Variants in GNG4 observed in about 807,000 individuals in gnomAD.
GNG4 encodes guanine nucleotide-binding protein G(I)/G(S)/G(O) subunit gamma-4.
GNG4 carries 4 observed loss-of-function variants against 5.8 expected under a neutral mutation model. The observed-to-expected ratio is 0.69, with a 90% CI of 0.34 to 1.57. The LOEUF is 1.57. Ranked by LOEUF, GNG4 falls within the 40% of genes most tolerant of loss-of-function variation. The pLI is 0.06. For missense variants in GNG4, 96 were observed against 95.1 expected (o/e 1.01, Z -0.04); for synonymous variants, 29 against 32.9 (o/e 0.88, Z 0.41).
chr1:235,573,553 G>A (rs543631766), intron 3 of GNG4, among the ~76,000 whole-genome samples: 60 of 152,196 alleles, frequency 3.9e-4, no homozygotes, highest in Non-Finnish European at 5.7e-4. Flanking sequence ...CGAGGTGGGC[G>A]GATCACGAAG....
Position 235,553,906 on chromosome 1 carries a change from C to T in GNG4, c.100-1669G>A, listed in dbSNP as rs573677242. ...TCTAAGGTCCCAATTTACTCTAAGACGTCTATGATTCTACCTTTAATAGCA... is the reference window on the plus strand; with the variant it reads ...TCTAAGGTCCCAATTTACTCTAAGATGTCTATGATTCTACCTTTAATAGCA... On this transcript the variant is annotated intron_variant, in intron 3 of 3. Coordinates refer to ENST00000391854, the MANE Select transcript of GNG4 (RefSeq NM_001098722.2). Among the ~76,000 whole-genome samples, 55 of 152,128 alleles carry T rather than the reference C, an allele frequency of 3.6e-4. 1 individual carries two copies. Among genetic ancestry groups the T allele is most frequent in the Non-Finnish European group, 6.5e-4 (44 of 68,026 alleles).
intron 1 of GNG4, among the ~76,000 whole-genome samples, chr1:235,621,213 T>C (rs1285552069): frequency 1.4e-5 from 2 of 141,816 alleles, no homozygotes; most frequent in Admixed American, 7.1e-5. Flanking sequence ...TGCTGGAGAT[T>C]AGCCAAAAAA....
chr1:235,585,577 A>G (rs563087968), intron 2 of GNG4, among the ~76,000 whole-genome samples: 66 of 152,194 alleles, frequency 4.3e-4, no homozygotes, highest in East Asian at 1.3e-3. Flanking sequence ...TTTAGAAAGC[A>G]CCACATATTA....
intron 3 of GNG4, among the ~76,000 whole-genome samples, chr1:235,556,832 G>A (rs1340653419): frequency 6.6e-6 from 1 of 151,796 alleles, no homozygotes; most frequent in Non-Finnish European, 1.5e-5. Context: ...TTGTTTTTCT[G>A]CAACTAGATG....
intron 1 of GNG4, among the ~76,000 whole-genome samples, chr1:235,639,151 C>G (rs1378196980): frequency 6.6e-6 from 1 of 152,194 alleles, no homozygotes; most frequent in African/African-American, 2.4e-5. Context: ...CCAGGATCAC[C>G]TCCCCATCTC....
chr1:235,619,417 C>T (rs1284260266), intron 1 of GNG4, among the ~76,000 whole-genome samples: 3 of 151,836 alleles, frequency 2.0e-5, no homozygotes, highest in Non-Finnish European at 2.9e-5. Context: ...AAAAAAGCAT[C>T]AGTTTTGTTT....
chr1:235,632,892 G>A (rs1444411336), intron 1 of GNG4, among the ~76,000 whole-genome samples: 1 of 152,146 alleles, frequency 6.6e-6, no homozygotes, highest in Non-Finnish European at 1.5e-5. Flanking sequence ...GAAACCGAAA[G>A]ACTATTCAAA....
At chr1:235,596,099 G>A (rs557141009) in intron 1 of GNG4, among the ~76,000 whole-genome samples, 222 of 152,236 alleles carry the variant, frequency 1.5e-3, no homozygotes, top group Middle Eastern at 0.014. Flanking sequence ...GTGTGAACCC[G>A]GGAGGCGGAG....
intron 1 of GNG4, among the ~76,000 whole-genome samples, chr1:235,608,643 G>C (rs923011445): frequency 6.6e-6 from 1 of 151,650 alleles, no homozygotes; most frequent in Non-Finnish European, 1.5e-5. Flanking sequence ...TTTTGTGACT[G>C]GATTCTTCCT....
At chr1:235,620,421 G>A (rs186423052) in intron 1 of GNG4, among the ~76,000 whole-genome samples, 10 of 152,342 alleles carry the variant, frequency 6.6e-5, no homozygotes, top group Admixed American at 2.6e-4. Context: ...AGTCCTAGTC[G>A]GAACTTAGTG....
At chr1:235,650,260 T>TC (rs2102994120), upstream of GNG4, among the ~76,000 whole-genome samples, 1 of 19,692 alleles carries the variant, frequency 5.1e-5, no homozygotes, top group East Asian at 2.3e-3. Context: ...GGTAAATCAC[T>TC]GGGGGGGGGT....
At position 235,628,784 on chromosome 1, in the gene GNG4, C is replaced by T. The variant is rs545897541; in HGVS notation, c.-123+20878G>A. ...GATCCGCAGGTGCTAGGTGGTGGCC[C>T]TTTTTAAAGACAGCTTCCCTGCAGG... On this transcript the variant is annotated intron_variant, in intron 1 of 3. Coordinates refer to ENST00000391854, the MANE Select transcript of GNG4 (RefSeq NM_001098722.2). Among the ~76,000 whole-genome samples, 7 of 152,260 alleles carry T rather than the reference C, an allele frequency of 4.6e-5. No homozygotes were observed. The East Asian group carries it at 1.3e-3, about 29-fold the overall frequency.
intron 1 of GNG4, chr1:235,616,340 G>T (rs1178015851): frequency 2.3e-6 from 1 of 428,510 alleles, no homozygotes; most frequent in African/African-American, 2.1e-5. Flanking sequence ...GGGTCTGTTG[G>T]CCAGATTCAC....
chr1:235,571,489 C>T (rs570523706), intron 3 of GNG4, among the ~76,000 whole-genome samples: 3 of 152,254 alleles, frequency 2.0e-5, no homozygotes, highest in South Asian at 2.1e-4. Context: ...AAATGTTGGC[C>T]GCTATTATTA....
intron 3 of GNG4, among the ~76,000 whole-genome samples, chr1:235,570,392 T>C (rs1687302108): frequency 9.4e-6 from 1 of 106,528 alleles, no homozygotes; most frequent in Non-Finnish European, 1.8e-5. Flanking sequence ...GTTTCACCTC[T>C]TCTTTTTTTT....
chr1:235,644,375 G>A lies in GNG4; in HGVS notation c.-123+5287C>T, dbSNP rs552690646. Among the ~76,000 whole-genome samples, 151 of 152,172 alleles carry A rather than the reference G, an allele frequency of 9.9e-4. No homozygotes were observed. Among genetic ancestry groups the A allele is most frequent in the African/African-American group, 3.5e-3 (147 of 41,500 alleles). On this transcript the variant is annotated intron_variant, in intron 1 of 3. Transcript: ENST00000391854. This position sits in a 1 kb window ranked among gnomAD's most constrained non-coding sequence, Gnocchi z 5.9. ...TTGGAATTTTCTACTCACATCCACC[G>A]AGCGACCCTCCTCGGCCACCTCCAC... is the stretch of plus-strand genomic sequence containing the variant.
intron 3 of GNG4, among the ~76,000 whole-genome samples, chr1:235,557,687 C>T (rs1686954170): frequency 6.6e-6 from 1 of 152,190 alleles, no homozygotes; most frequent in Admixed American, 6.5e-5. Context: ...GGAGCAACCT[C>T]AAGGGGGCGC....
Position 235,645,627 on chromosome 1 carries a change from G to A in GNG4, c.-123+4035C>T, listed in dbSNP as rs142360189. ...AGCCTGACCAACGTGGAGAAACCCC[G>A]TCTCTACTAAAAATACAAAATTAGC... On this transcript the variant is annotated intron_variant, in intron 1 of 3. Transcript: ENST00000391854. 5.6e-3 allele frequency among the ~76,000 whole-genome samples: 854 copies of A among 151,894 alleles called. 18 individuals are homozygous for A. Among genetic ancestry groups the A allele is most frequent in the African/African-American group, 0.018 (746 of 41,410 alleles).
At chr1:235,620,343 C>T (rs987823958) in intron 1 of GNG4, among the ~76,000 whole-genome samples, 3 of 152,076 alleles carry the variant, frequency 2.0e-5, no homozygotes, top group Admixed American at 6.5e-5. Flanking sequence ...CCAGCCTGGG[C>T]GACAAGAGTG....
Sources: gnomAD v4.1 joint callset for allele counts (sites outside exome capture counted in the v4.1 genomes callset) on GRCh38, gnomAD v4.1.1 for gene constraint, Gnocchi (gnomAD v3.1) non-coding constraint, MANE v1.5 for transcripts, NCBI Gene and HGNC (gene_info 2026-07-23, HGNC 2026-07-21) for gene names.